Variants in CDC5L observed in about 807,000 individuals in gnomAD.
CDC5L encodes cell division cycle 5 like.
Under a neutral mutation model 104.1 loss-of-function variants are expected in CDC5L, and 18 were observed. The observed-to-expected ratio is 0.17, with a 90% CI of 0.12 to 0.26. CDC5L has a LOEUF of 0.26. CDC5L is among the 10% of genes least tolerant of loss of function. The pLI is 1.00. For missense variants in CDC5L, 673 were observed against 956.9 expected, an observed-to-expected ratio of 0.70 and a Z score of 3.91; for synonymous variants, 331 against 322.7, an observed-to-expected ratio of 1.03 and a Z score of -0.28.
intron 15 of CDC5L, 39 bp downstream of exon 15, chr6:44,445,906 T>C: frequency 6.8e-7 from 1 of 1,463,408 alleles, no homozygotes; most frequent in Non-Finnish European, 9.6e-7. Flanking sequence ...AAAAGAGTGC[T>C]GCAAAGAATT....
In CDC5L at chr6:44,419,521, G is replaced by A; in HGVS notation, c.1165G>A (p.Glu389Lys). Reference protein sequence around the residue: ...LKGGLNTPLHESDFSGVTPQR... With the variant: ...LKGGLNTPLHKSDFSGVTPQR... The stretch of plus-strand genomic sequence containing the variant: ...AGGTGGACTTAATACCCCATTGCAT[G>A]AGAGTGACTTCTCAGGTGTAACTCC... Residue 389 changes from glutamate (E) to lysine (K), a missense_variant, in exon 9 of 16, where the codon GAG (glutamate) becomes AAG (lysine). Glu to Lys is a moderately conservative substitution (Grantham distance 56). Transcript: ENST00000371477. The A allele has an allele frequency of 1.9e-6, 3 of 1,613,768 alleles. No homozygotes were observed. Among genetic ancestry groups the A allele is most frequent in the South Asian group, 1.1e-5 (1 of 91,062 alleles).
intron 3 of CDC5L, among the ~76,000 whole-genome samples, chr6:44,393,171 T>G (rs1307569601): frequency 6.7e-6 from 1 of 149,938 alleles, no homozygotes; most frequent in Non-Finnish European, 1.5e-5. Context: ...ATAGTTTTTT[T>G]TTTTTTTTTT....
intron 8 of CDC5L, among the ~76,000 whole-genome samples, chr6:44,411,523 T>C (rs1053753719): frequency 1.3e-5 from 2 of 151,994 alleles, no homozygotes; most frequent in African/African-American, 4.8e-5. Context: ...TCTTAACTCT[T>C]CCTGGTATTC....
rs11571920 is a variant in CDC5L at position 44,393,208 on chromosome 6, C to T, written c.312-238C>T. Among the ~76,000 whole-genome samples, 372 of 143,686 alleles carry T rather than the reference C, an allele frequency of 2.6e-3. 4 individuals carry two copies. The highest frequency in any genetic ancestry group is 7.5e-3 in the South Asian group (34 of 4,556). 94.3% of individuals were successfully genotyped at this position (143,686 alleles called of 152,430 possible). ...TTTTTTTAAATTTGTATGGCTGTAC[C>T]GCATTTGTGATTAGGATCTGTTTGG... On this transcript the variant is annotated intron_variant, in intron 3 of 15. Coordinates refer to ENST00000371477, the MANE Select transcript of CDC5L (RefSeq NM_001253.4).
intron 13 of CDC5L, among the ~76,000 whole-genome samples, chr6:44,428,383 C>T (rs1030980858): frequency 6.6e-5 from 10 of 151,978 alleles, no homozygotes; most frequent in Non-Finnish European, 1.3e-4. Flanking sequence ...TTCATTATTA[C>T]TGGAAAGATT....
intron 14 of CDC5L, among the ~76,000 whole-genome samples, chr6:44,440,388 T>C (rs1161188407): frequency 6.6e-6 from 1 of 151,774 alleles, no homozygotes; most frequent in African/African-American, 2.4e-5. Flanking sequence ...ACTACAGGTA[T>C]GCACCACCAT....
chr6:44,428,171 C>A (rs965407490), intron 13 of CDC5L, among the ~76,000 whole-genome samples: 3 of 152,128 alleles, frequency 2.0e-5, no homozygotes, highest in African/African-American at 7.2e-5. Flanking sequence ...AGTGAAATAG[C>A]ATTTCTCTTT....
intron 14 of CDC5L, among the ~76,000 whole-genome samples, chr6:44,443,234 T>C (rs1274811199): frequency 2.6e-5 from 4 of 152,028 alleles, no homozygotes; most frequent in African/African-American, 9.7e-5. Flanking sequence ...GATAGTCTTA[T>C]GGAGGTTCCT....
chr6:44,402,367 C>A (rs1404590633), intron 5 of CDC5L, among the ~76,000 whole-genome samples: 4 of 152,124 alleles, frequency 2.6e-5, no homozygotes, highest in Admixed American at 2.6e-4. Flanking sequence ...GTGTTTCTTA[C>A]CGAGTTAAAG....
At position 44,392,837 on chromosome 6, in the gene CDC5L, G is replaced by A; in HGVS notation, c.311+9G>A. 1 of 1,610,372 alleles carries A rather than the reference G, an allele frequency of 6.2e-7. No homozygotes were observed. Among genetic ancestry groups the A allele is most frequent in the Non-Finnish European group, 8.5e-7 (1 of 1,176,814 alleles). ...CACTATGAATTTCTTCTGTAAGTGAGTCTTCAGAAAGAGCATAGAATATAT... is the reference window on the plus strand; with the variant it reads ...CACTATGAATTTCTTCTGTAAGTGAATCTTCAGAAAGAGCATAGAATATAT... On this transcript the variant is annotated intron_variant, in intron 3 of 15. Coordinates refer to ENST00000371477, the MANE Select transcript of CDC5L (RefSeq NM_001253.4).
chr6:44,393,363 A>G (rs1313619425), intron 3 of CDC5L, 83 bp from the exon 4 acceptor site: 1 of 1,342,642 alleles, frequency 7.4e-7, no homozygotes. Flanking sequence ...TGGGGGGAAA[A>G]ATATCGTCAG....
chr6:44,426,510 A>G lies in CDC5L; in HGVS notation c.1679A>G (p.Asn560Ser). ...AATGAAACTATTCTAAGACCCTTAA[A>G]TGTAGAACCGCCTTTAACAGATTTA... ...EVNETILRPL[N>S]VEPPLTDLQK... Residue 560 changes from asparagine to serine, a missense_variant, in exon 13 of 16, where the codon AAT becomes AGT. Physicochemically the swap from Asn to Ser is conservative, Grantham distance 46 (BLOSUM62 1). Around this residue, in one of 4 missense-constraint regions of CDC5L, gnomAD observed 578 missense variants for 737.0 expected, o/e 0.78. Transcript: ENST00000371477. The G allele has an allele frequency of 1.3e-6, 2 of 1,560,728 alleles. No homozygotes were observed. The highest frequency in any genetic ancestry group is 1.8e-6 in the Non-Finnish European group (2 of 1,132,284).
intron 4 of CDC5L, among the ~76,000 whole-genome samples, chr6:44,394,962 G>A (rs984597138): frequency 6.7e-6 from 1 of 148,946 alleles, no homozygotes; most frequent in African/African-American, 2.5e-5. Context: ...CATGTCATTT[G>A]CAGCAACATG....
At chr6:44,406,218 T>C in intron 6 of CDC5L, 105 bp from the exon 7 acceptor site, 2 of 874,232 alleles carry the variant, frequency 2.3e-6, no homozygotes, top group Non-Finnish European at 3.5e-6. Context: ...GTTATTTTCT[T>C]AGAAATGAGG....
chr6:44,439,612 G>A (rs1793090601), intron 14 of CDC5L, among the ~76,000 whole-genome samples: 1 of 152,158 alleles, frequency 6.6e-6, no homozygotes, highest in Non-Finnish European at 1.5e-5. Flanking sequence ...TTATATTGAA[G>A]TTGGAATTTT....
chr6:44,422,962 G>A (rs887968986), intron 10 of CDC5L, among the ~76,000 whole-genome samples, 153 bp downstream of exon 10: 4 of 152,142 alleles, frequency 2.6e-5, no homozygotes, highest in Non-Finnish European at 4.4e-5. Context: ...AAGACTTGAT[G>A]AAAGGGAATA....
intron 5 of CDC5L, among the ~76,000 whole-genome samples, chr6:44,397,293 A>G (rs1169294647): frequency 6.6e-6 from 1 of 152,182 alleles, no homozygotes; most frequent in Non-Finnish European, 1.5e-5. Flanking sequence ...TTATTTCACA[A>G]TGTGTGCTTG....
chr6:44,430,919 A>C (rs1368593697), intron 14 of CDC5L, among the ~76,000 whole-genome samples: 1 of 152,160 alleles, frequency 6.6e-6, no homozygotes, highest in Admixed American at 6.5e-5. Context: ...TTCTAAGGCC[A>C]AGGTGGGATG....
intron 1 of CDC5L, among the ~76,000 whole-genome samples, chr6:44,389,713 A>G (rs1790506655): frequency 6.6e-6 from 1 of 152,194 alleles, no homozygotes; most frequent in Non-Finnish European, 1.5e-5. Context: ...GGGAAATGCC[A>G]TGTATAAACT....
Sources: allele counts gnomAD v4.1 joint callset (sites outside exome capture counted in the v4.1 genomes callset), GRCh38; gene constraint gnomAD v4.1.1; regional missense constraint gnomAD v4.1.1; transcripts MANE v1.5; gene names NCBI Gene and HGNC (gene_info 2026-07-23, HGNC 2026-07-21).